Variants in SGMS2 observed in about 807,000 individuals in gnomAD.
The protein encoded by SGMS2 is phosphatidylcholine:ceramide cholinephosphotransferase 2.
SGMS2 carries 21 observed loss-of-function variants against 43.8 expected under a neutral mutation model. The ratio of observed to expected loss-of-function variants is 0.48; its 90% CI spans 0.34 to 0.69. The LOEUF (loss-of-function observed/expected upper bound fraction) is 0.69. SGMS2 is among the 30% of genes least tolerant of loss of function. SGMS2 has a pLI of 0.01. For synonymous variants in SGMS2, 167 were observed against 160.6 expected (o/e 1.04, Z -0.30); for missense variants, 384 against 443.2 (o/e 0.87, Z 1.20).
intron 5 of SGMS2, chr4:107,907,264 A>G (rs889444210): frequency 1.3e-5 from 2 of 152,232 alleles, no homozygotes; most frequent in African/African-American, 2.4e-5. Context: ...AGCAACGGCT[A>G]GTTTTACCAA....
At chr4:107,908,784 C>T in intron 6 of SGMS2, 53 bp downstream of exon 6, 3 of 1,527,762 alleles carry the variant, frequency 2.0e-6, no homozygotes, top group Non-Finnish European at 2.7e-6. Flanking sequence ...TGCAGTGGAC[C>T]CTTTTCATGT....
At chr4:107,882,756 T>A (rs376515610) in intron 2 of SGMS2, among the ~76,000 whole-genome samples, 2 of 152,182 alleles carry the variant, frequency 1.3e-5, no homozygotes, top group African/African-American at 2.4e-5. Flanking sequence ...GTTTTCTTTT[T>A]TAAGGTCTAA....
At chr4:107,850,763 A>G (rs1009250661) in intron 1 of SGMS2, among the ~76,000 whole-genome samples, 1 of 152,178 alleles carries the variant, frequency 6.6e-6, no homozygotes, top group African/African-American at 2.4e-5. Context: ...GTGACAGCCC[A>G]TTAGAGCTTG....
intron 1 of SGMS2, among the ~76,000 whole-genome samples, chr4:107,852,585 G>A (rs1727212787): frequency 6.7e-6 from 1 of 149,034 alleles, no homozygotes; most frequent in Non-Finnish European, 1.5e-5. Flanking sequence ...GTAGAAACAG[G>A]AGAAATAGGA....
At chr4:107,902,518 C>T (rs537313504) in intron 4 of SGMS2, among the ~76,000 whole-genome samples, 1 of 152,098 alleles carries the variant, frequency 6.6e-6, no homozygotes, top group Non-Finnish European at 1.5e-5. Flanking sequence ...CCTCTCTGGC[C>T]CCTGGCCTAG....
intron 1 of SGMS2, among the ~76,000 whole-genome samples, chr4:107,854,661 A>G (rs1305493414): frequency 6.6e-6 from 1 of 152,200 alleles, no homozygotes; most frequent in African/African-American, 2.4e-5. Flanking sequence ...TATCAGAAGC[A>G]TGGCAGAGGG....
intron 1 of SGMS2, among the ~76,000 whole-genome samples, chr4:107,850,819 G>C (rs1390782235): frequency 2.0e-5 from 3 of 152,114 alleles, no homozygotes; most frequent in Non-Finnish European, 4.4e-5. Flanking sequence ...TTTCCACCTT[G>C]ATACTCATCC....
chr4:107,866,985 G>A (rs183691108), intron 2 of SGMS2: 134 of 152,256 alleles, frequency 8.8e-4, no homozygotes, highest in African/African-American at 3.0e-3. Context: ...TTCTGATCCA[G>A]GGCTTTGTCA....
intron 1 of SGMS2, among the ~76,000 whole-genome samples, chr4:107,855,459 A>G (rs1727369011): frequency 6.6e-6 from 1 of 152,050 alleles, no homozygotes; most frequent in Non-Finnish European, 1.5e-5. Flanking sequence ...GTTCAGGAGC[A>G]TTTTGCTTAA....
chr4:107,890,026 TAAAAA>T (rs771413778), intron 2 of SGMS2, among the ~76,000 whole-genome samples: 1 of 152,104 alleles, frequency 6.6e-6, no homozygotes, highest in African/African-American at 2.4e-5. Context: ...ATGGTTCACT[TAAAAA>T]AAATTTTTTT....
Position 107,895,663 on chromosome 4 carries a change from A to G in SGMS2, c.110A>G (p.Asn37Ser), listed in dbSNP as rs1280640318. 1.1e-5 allele frequency: 17 copies of G among 1,613,910 alleles called. No individual in the cohort carries two copies. Among genetic ancestry groups the G allele is most frequent in the Non-Finnish European group, 1.4e-5 (17 of 1,179,966 alleles). ...GAACCTGTTGAAGAAGAAAACAAAA[A>G]TGGCAATGGTAAACCCAAGAGCTTA... The part of the protein sequence containing the change: ...PAEPVEEENK[N>S]GNGKPKSLSS... The change falls in exon 3 of 7, where the codon AAT becomes AGT. Residue 37 changes from asparagine (N) to serine (S), a missense_variant. By Grantham distance (46) the Asn-to-Ser change is conservative. Coordinates refer to ENST00000690982, the MANE Select transcript of SGMS2 (RefSeq NM_001375905.1).
intron 2 of SGMS2, among the ~76,000 whole-genome samples, chr4:107,886,148 C>T (rs1365186590): frequency 6.6e-6 from 1 of 151,780 alleles, no homozygotes; most frequent in Non-Finnish European, 1.5e-5. Context: ...GTAGCAGCAG[C>T]AGGTTTACAC....
chr4:107,845,864 G>A lies in SGMS2; in HGVS notation c.-326-12608G>A, dbSNP rs139517266. Among the ~76,000 whole-genome samples, 539 of 152,246 alleles carry A rather than the reference G, an allele frequency of 3.5e-3. 3 individuals carry two copies. Among genetic ancestry groups the A allele is most frequent in the African/African-American group, 0.013 (526 of 41,558 alleles). Reference sequence around the variant, plus strand: ...TATAAAGCTTCCCTTTCATGAATATGTATGTTGAATAGGAAAGCTATAGGA... The same window carrying A: ...TATAAAGCTTCCCTTTCATGAATATATATGTTGAATAGGAAAGCTATAGGA... On this transcript the variant is annotated intron_variant, in intron 1 of 6. Coordinates refer to ENST00000690982, the MANE Select transcript of SGMS2 (RefSeq NM_001375905.1).
upstream of SGMS2, chr4:107,824,792 G>A (rs1262902392): frequency 2.6e-5 from 4 of 152,258 alleles, no homozygotes; most frequent in Non-Finnish European, 5.9e-5. Flanking sequence ...CCGGGCCGAC[G>A]GGTGAGTCAC....
intron 1 of SGMS2, among the ~76,000 whole-genome samples, chr4:107,849,676 A>G (rs527376546): frequency 2.6e-5 from 4 of 151,426 alleles, no homozygotes; most frequent in Admixed American, 1.3e-4. Flanking sequence ...AAAGATCACA[A>G]TATCAGAGTC....
chr4:107,851,759 C>A (rs1247007805), intron 1 of SGMS2, among the ~76,000 whole-genome samples: 1 of 152,082 alleles, frequency 6.6e-6, no homozygotes, highest in African/African-American at 2.4e-5. Flanking sequence ...TTTATTTTTA[C>A]TTTGGGTTTC....
intron 2 of SGMS2, among the ~76,000 whole-genome samples, chr4:107,890,145 T>A (rs1371410693): frequency 1.3e-5 from 2 of 152,170 alleles, no homozygotes; most frequent in Non-Finnish European, 2.9e-5. Context: ...GGTAACAATA[T>A]AAAAGCAAGC....
At chr4:107,883,478 C>G (rs1020702288) in intron 2 of SGMS2, among the ~76,000 whole-genome samples, 1 of 152,130 alleles carries the variant, frequency 6.6e-6, no homozygotes, top group Non-Finnish European at 1.5e-5. Flanking sequence ...TCACGCCCAG[C>G]TAATTTTTTG....
chr4:107,900,878 A>G (rs911269426), intron 4 of SGMS2, among the ~76,000 whole-genome samples: 1 of 152,148 alleles, frequency 6.6e-6, no homozygotes, highest in African/African-American at 2.4e-5. Context: ...CTGTAATTAA[A>G]ACTGTGCATA....
Sources: gnomAD v4.1 joint callset for allele counts (sites outside exome capture counted in the v4.1 genomes callset) on GRCh38, gnomAD v4.1.1 for gene constraint, MANE v1.5 for transcripts, NCBI Gene and HGNC (gene_info 2026-07-23, HGNC 2026-07-21) for gene names.